LCA5: variants seen among roughly 807,000 people sequenced by gnomAD.
LCA5 encodes the protein lebercilin.
In LCA5, 37 loss-of-function variants were observed where a neutral mutation model predicts 53.0. The observed-to-expected ratio is 0.70, with a 90% CI of 0.54 to 0.92. The LOEUF (loss-of-function observed/expected upper bound fraction) is 0.92. LCA5 is among the 40% of genes least tolerant of loss of function. The pLI, the probability that LCA5 is intolerant of heterozygous loss-of-function variation, is 0.00. For missense variants in LCA5, 806 were observed against 790.5 expected (o/e 1.02, Z -0.23); for synonymous variants, 303 against 282.9 (o/e 1.07, Z -0.71).
rs150095877 is a variant in LCA5 at position 79,487,825 on chromosome 6, C to T, written c.1273G>A (p.Ala425Thr). ...EELDKKQKEK[A>T]SLLEREEKPE... ...TTTTCTTCTCTTTCCAGTAAAGATG[C>T]CTTTTCTTTTTGCTTTTTATCAAGT... is the stretch of plus-strand genomic sequence containing the variant. The change falls in exon 8 of 8, where the codon GCA (alanine) becomes ACA (threonine). Residue 425 changes from alanine to threonine, a missense_variant. Ala to Thr is a moderately conservative substitution (Grantham distance 58, BLOSUM62 0). Coordinates refer to ENST00000369846, the MANE Select transcript of LCA5 (RefSeq NM_001122769.3). 8.1e-6 allele frequency: 13 copies of T among 1,608,434 alleles called. No homozygotes were observed. In the South Asian group the frequency reaches 1.1e-4, roughly 14 times the overall value.
intron 2 of LCA5, 114 bp from the exon 3 acceptor site, chr6:79,513,855 A>G (rs1424246817): frequency 2.0e-6 from 2 of 1,008,108 alleles, no homozygotes; most frequent in African/African-American, 3.2e-5. Context: ...GTCTTTAAGA[A>G]AGGATTTTAC....
At chr6:79,513,771 G>T in intron 2 of LCA5, 30 bp from the exon 3 acceptor site, 1 of 1,604,102 alleles carries the variant, frequency 6.2e-7, no homozygotes, top group South Asian at 1.1e-5. Flanking sequence ...AATGTAAAGT[G>T]AAAGCTGTAC....
intron 3 of LCA5, among the ~76,000 whole-genome samples, chr6:79,512,832 C>T (rs1766273775): frequency 6.6e-6 from 1 of 152,096 alleles, no homozygotes; most frequent in African/African-American, 2.4e-5. Flanking sequence ...TGTAATTAAT[C>T]TTCAATAAAT....
chr6:79,520,250 A>C (rs1018563400), intron 1 of LCA5, among the ~76,000 whole-genome samples: 4 of 152,152 alleles, frequency 2.6e-5, no homozygotes, highest in Non-Finnish European at 5.9e-5. Context: ...AATATCATGA[A>C]GCTACTGATA....
At chr6:79,505,034 G>A (rs9448733) in intron 3 of LCA5, among the ~76,000 whole-genome samples, 25,976 of 152,048 alleles carry the variant, frequency 0.17, 2,261 homozygotes, top group East Asian at 0.22. Context: ...GGCTTGCAAC[G>A]CGTAGCCTAG....
chr6:79,487,490 A>G lies in LCA5; in HGVS notation c.1608T>C (p.Gly536=). The change falls in exon 8 of 8, where the codon GGT becomes GGC. Residue 536 remains glycine, a synonymous_variant. Coordinates refer to ENST00000369846, the MANE Select transcript of LCA5 (RefSeq NM_001122769.3). The part of the protein sequence containing the change: ...DISFSTPKGE[G]QNSGNVRSPA... ...GACTTCTAACATTTCCTGAATTCTG[A>G]CCTTCTCCTTTTGGAGTTGAGAAAC... 1 of 1,614,018 alleles carries G rather than the reference A, an allele frequency of 6.2e-7. No homozygotes were observed. Among genetic ancestry groups the G allele is most frequent in the East Asian group, 2.2e-5 (1 of 44,874 alleles).
rs377582275 is a variant in LCA5, at chr6:79,493,735, G to C, written c.736C>G (p.Leu246Val). The C allele has an allele frequency of 8.7e-6, 14 of 1,612,830 alleles. No individual in the cohort carries two copies. In the African/African-American group the frequency reaches 1.5e-4, roughly 17 times the overall value. Residue 246 changes from leucine to valine, a missense_variant, in exon 4 of 8, where the codon CTT becomes GTT. Physicochemically the swap from Leu to Val is conservative, Grantham distance 32. Transcript: ENST00000369846. ...TGGAAACTGTTAGTACTCAGTTCAA[G>C]GTTTTTCGATAGCTCCTATATGTAT... ...ERRIKELSKN[L>V]ELSTNSFQRQ...
At position 79,487,602 on chromosome 6, in the gene LCA5, A is replaced by G. The variant is rs769927589; in HGVS notation, c.1496T>C (p.Leu499Pro). ...TTTGGGGCTTCTCTCTGGGGAGTGT[A>G]GTTTTGATTCAAAATCAGGTAACAA... ...LPLLPDFESK[L>P]HSPERSPKTY... is the part of the protein sequence containing the mutation. The change falls in exon 8 of 8, where the codon CTA becomes CCA. Residue 499 changes from leucine to proline, a missense_variant. Coordinates refer to ENST00000369846, the MANE Select transcript of LCA5 (RefSeq NM_001122769.3). The G allele has an allele frequency of 6.2e-7, 1 of 1,614,034 alleles. No individual in the cohort carries two copies. Among genetic ancestry groups the G allele is most frequent in the South Asian group, 1.1e-5 (1 of 91,082 alleles).
chr6:79,488,873 A>T, intron 7 of LCA5: 1 of 586,690 alleles, frequency 1.7e-6, no homozygotes, highest in Non-Finnish European at 3.0e-6. Context: ...CTAAATAGCA[A>T]ATGACTTAGA....
Position 79,513,483 on chromosome 6 carries a change from A to G in LCA5, c.449T>C (p.Phe150Ser), listed in dbSNP as rs1420223907. 6.2e-7 allele frequency: 1 copy of G among 1,613,836 alleles called. No homozygotes were observed. The highest frequency in any genetic ancestry group is 1.6e-4 in the Middle Eastern group (1 of 6,076). The part of the protein sequence containing the change: ...QYRQEKALNK[F>S]EDAENEISQL... Reference sequence around the variant, plus strand: ...TGAGATTTCATTTTCGGCATCTTCAAACTTATTCAGGGCTTTCTCCTGTCT... The same window carrying G: ...TGAGATTTCATTTTCGGCATCTTCAGACTTATTCAGGGCTTTCTCCTGTCT... Residue 150 changes from phenylalanine (F) to serine (S), a missense_variant, in exon 3 of 8, where the codon TTT (phenylalanine) becomes TCT (serine). By Grantham distance (155) the Phe-to-Ser change is radical. Transcript: ENST00000369846.
chr6:79,512,135 TA>T (rs1461542457), intron 3 of LCA5, among the ~76,000 whole-genome samples: 1 of 152,178 alleles, frequency 6.6e-6, no homozygotes, highest in Non-Finnish European at 1.5e-5. Context: ...TAAAAATAAT[TA>T]AAATGTCAGT....
rs879399238 is a variant in LCA5, at chr6:79,513,702, T to C, written c.230A>G (p.Lys77Arg). 6.2e-6 allele frequency: 10 copies of C among 1,613,642 alleles called. No homozygotes were observed. Among genetic ancestry groups the C allele is most frequent in the Admixed American group, 3.3e-5 (2 of 59,976 alleles). The change falls in exon 3 of 8, where the codon AAG (lysine) becomes AGG (arginine). Residue 77 changes from lysine to arginine, a missense_variant. Physicochemically the swap from Lys to Arg is conservative, Grantham distance 26. Transcript: ENST00000369846. ...KPSPKGLPNR[K>R]GVRVGFRSQS... is the part of the protein sequence containing the mutation. ...GGAGCGAAATCCCACTCGGACTCCC[T>C]TTCTGTTTGGTAGACCCTTAGGGCT... is the stretch of plus-strand genomic sequence containing the variant.
In LCA5 at chr6:79,491,587, C is replaced by T. The variant is rs1769843934; in HGVS notation, c.1098+1G>A. ...GTACATAACAATACTGCTAAACTCA[C>T]CAAAGTAAGATGTCCTGGTTCTTCC... On this transcript the variant is annotated splice_donor_variant, in intron 6 of 7. Transcript: ENST00000369846. LOFTEE classifies it high-confidence loss of function. The T allele has an allele frequency of 6.2e-7, 1 of 1,612,576 alleles. No individual in the cohort carries two copies. The highest frequency in any genetic ancestry group is 8.5e-7 in the Non-Finnish European group (1 of 1,178,860).
intron 1 of LCA5, among the ~76,000 whole-genome samples, chr6:79,532,688 C>T (rs1246596868): frequency 1.3e-5 from 2 of 152,162 alleles, no homozygotes; most frequent in African/African-American, 4.8e-5. Context: ...GGCTCCCTGA[C>T]AATTTTCTAT....
rs1426167875 is a variant in LCA5, at chr6:79,513,577, C to T, written c.355G>A (p.Val119Ile). 1 of 1,613,902 alleles carries T rather than the reference C, an allele frequency of 6.2e-7. No individual in the cohort carries two copies. Among genetic ancestry groups the T allele is most frequent in the Non-Finnish European group, 8.5e-7 (1 of 1,179,866 alleles). The change falls in exon 3 of 8, where the codon GTA becomes ATA. Residue 119 changes from valine to isoleucine, a missense_variant. Coordinates refer to ENST00000369846, the MANE Select transcript of LCA5 (RefSeq NM_001122769.3). ...LLKINELQNE[V>I]SELQVKLAEL... ...GCTAACTTGACCTGGAGTTCAGATA[C>T]TTCATTCTGCAACTCATTGATTTTT...
At chr6:79,534,751 G>C (rs1301471154) in intron 1 of LCA5, among the ~76,000 whole-genome samples, 2 of 152,022 alleles carry the variant, frequency 1.3e-5, no homozygotes. Flanking sequence ...TTGAAAAGTG[G>C]GGGGGTAAAT....
At chr6:79,533,996 A>C (rs1767033323) in intron 1 of LCA5, among the ~76,000 whole-genome samples, 1 of 150,780 alleles carries the variant, frequency 6.6e-6, no homozygotes, top group Non-Finnish European at 1.5e-5. Context: ...CCCCGCAAAA[A>C]AGATGAGATA....
At chr6:79,488,861 C>T in intron 7 of LCA5, 1 of 584,304 alleles carries the variant, frequency 1.7e-6, no homozygotes, top group South Asian at 2.3e-5. Context: ...TATTCCCTAA[C>T]CCTAAATAGC....
chr6:79,514,176 T>C (rs1472989721), intron 2 of LCA5, among the ~76,000 whole-genome samples: 1 of 152,088 alleles, frequency 6.6e-6, no homozygotes, highest in Non-Finnish European at 1.5e-5. Context: ...AATGTGAAAA[T>C]GTATGTTTTC....
Sources: allele counts gnomAD v4.1 joint callset (sites outside exome capture counted in the v4.1 genomes callset), GRCh38; gene constraint gnomAD v4.1.1; transcripts MANE v1.5; gene names NCBI Gene and HGNC (gene_info 2026-07-23, HGNC 2026-07-21).